The following SNAPC2 variants were observed in gnomAD, a reference collection of about 807,000 sequenced individuals.
SNAPC2 encodes the protein small nuclear RNA activating complex polypeptide 2.
In SNAPC2, 27 loss-of-function variants were observed where a neutral mutation model predicts 22.9. The observed-to-expected ratio is 1.18, with a 90% CI of 0.87 to 1.63. SNAPC2 has a LOEUF of 1.63. Among genes scored for constraint, SNAPC2 ranks in the 40% most tolerant of loss-of-function variants. The probability of loss-of-function intolerance (pLI) is 0.00; values close to 1 mark genes in which losing one functional copy is unlikely to be tolerated. For missense variants in SNAPC2, 570 were observed against 449.1 expected, an observed-to-expected ratio of 1.27 and a Z score of -2.43; for synonymous variants, 272 against 201.0, an observed-to-expected ratio of 1.35 and a Z score of -2.99.
chr19:7,922,312 C>G lies in SNAPC2; in HGVS notation c.650C>G (p.Ser217Cys), dbSNP rs748900589. 1.9e-6 allele frequency: 3 copies of G among 1,613,822 alleles called. No homozygotes were observed. Among genetic ancestry groups the G allele is most frequent in the Non-Finnish European group, 2.5e-6 (3 of 1,179,974 alleles). Residue 217 changes from serine (S) to cysteine (C), a missense_variant, in exon 4 of 5, where the codon TCC becomes TGC. Coordinates refer to ENST00000221573, the MANE Select transcript of SNAPC2 (RefSeq NM_003083.4). ...EKIYKYLSSV[S>C]RSGRSPELSA... ...ATCTACAAGTACTTGTCCTCTGTCTCCCGAAGTGGCCGCAGCCCCGAGCTC... is the reference window on the plus strand; with the variant it reads ...ATCTACAAGTACTTGTCCTCTGTCTGCCGAAGTGGCCGCAGCCCCGAGCTC...
intron 1 of SNAPC2, chr19:7,921,173 T>G (rs111354951): frequency 7.1e-7 from 1 of 1,413,450 alleles, no homozygotes; most frequent in Admixed American, 3.0e-5. Context: ...GGGGTAGTAG[T>G]CAGCATAGGG....
chr19:7,921,402 C>T (rs762229607), intron 1 of SNAPC2, 21 bp from the exon 2 acceptor site: 22 of 1,613,734 alleles, frequency 1.4e-5, no homozygotes, highest in Non-Finnish European at 1.9e-5. Flanking sequence ...AGCCTCATTC[C>T]GCCGCCTCTT....
At chr19:7,920,624 G>A in intron 1 of SNAPC2, 75 bp downstream of exon 1, 1 of 806,022 alleles carries the variant, frequency 1.2e-6, no homozygotes, top group African/African-American at 1.9e-5. Context: ...GCGGGGCTGC[G>A]GCAGGAGCCA....
chr19:7,921,835 CAT>C, intron 3 of SNAPC2, 62 bp downstream of exon 3: 1 of 1,550,488 alleles, frequency 6.4e-7, no homozygotes. Context: ...TGGGCCAAAT[CAT>C]GTGAACCTGG....
intron 1 of SNAPC2, chr19:7,921,128 G>T (rs926806745): frequency 3.0e-6 from 4 of 1,338,636 alleles, no homozygotes; most frequent in African/African-American, 3.0e-5. Context: ...AAGTGAGAGG[G>T]AATAGAGAAG....
In SNAPC2 at chr19:7,922,294, A is replaced by G. The variant is rs142774804; in HGVS notation, c.632A>G (p.Lys211Arg). The stretch of plus-strand genomic sequence containing the variant: ...GCTGTGGACTTTGAGAAGATCTACA[A>G]GTACTTGTCCTCTGTCTCCCGAAGT... Reference protein sequence around the residue: ...DFAVDFEKIYKYLSSVSRSGR... With the variant: ...DFAVDFEKIYRYLSSVSRSGR... The change falls in exon 4 of 5, where the codon AAG becomes AGG. Residue 211 changes from lysine to arginine, a missense_variant. Lys to Arg is a conservative substitution (Grantham distance 26, BLOSUM62 2). Coordinates refer to ENST00000221573, the MANE Select transcript of SNAPC2 (RefSeq NM_003083.4). The G allele has an allele frequency of 6.8e-6, 11 of 1,613,756 alleles. No individual in the cohort carries two copies. In the African/African-American group the frequency reaches 1.3e-4, roughly 20 times the overall value.
chr19:7,922,698 C>T lies in SNAPC2; in HGVS notation c.939C>T (p.Ile313=), dbSNP rs1418122749. ...ELKSPWQAAG[I]CPLNPFLVPL... is the part of the protein sequence containing the mutation. ...AATCGCCTTGGCAAGCAGCTGGGAT[C>T]TGTCCCCTGAACCCGTTCCTGGTGC... is the stretch of plus-strand genomic sequence containing the variant. Residue 313 remains isoleucine (I), a synonymous_variant, in exon 5 of 5, where the codon ATC becomes ATT. Transcript: ENST00000221573. The T allele has an allele frequency of 1.9e-6, 3 of 1,613,230 alleles. No homozygotes were observed. In the South Asian group the frequency reaches 3.3e-5, roughly 18 times the overall value.
chr19:7,920,863 G>A, intron 1 of SNAPC2: 1 of 856,096 alleles, frequency 1.2e-6, no homozygotes, highest in Non-Finnish European at 1.5e-6. Flanking sequence ...GAGAGTGGGT[G>A]GGTGAGTTTG....
rs766850611 is a variant in SNAPC2 at position 7,922,518 on chromosome 19, T to A, written c.759T>A (p.Val253=). Residue 253 remains valine (V), a synonymous_variant, in exon 5 of 5, where the codon GTT becomes GTA. Coordinates refer to ENST00000221573, the MANE Select transcript of SNAPC2 (RefSeq NM_003083.4). ...CACTCCTGCCCTGCACAGCCCTGGT[T>A]GAGCATATGACGGAGACGTACCTAC... is the stretch of plus-strand genomic sequence containing the variant. ...ELPLLPCTAL[V]EHMTETYLRL... is the part of the protein sequence containing the mutation. 8.1e-6 allele frequency: 13 copies of A among 1,611,690 alleles called. No homozygotes were observed. The highest frequency in any genetic ancestry group is 1.0e-5 in the Non-Finnish European group (12 of 1,178,628).
In SNAPC2 at chr19:7,920,445, C is replaced by G. The variant is rs1983522420; in HGVS notation, c.79C>G (p.Arg27Gly). The G allele has an allele frequency of 3.2e-6, 5 of 1,560,880 alleles. No individual in the cohort carries two copies. The highest frequency in any genetic ancestry group is 2.8e-5 in the African/African-American group (2 of 71,346). ...EVTGPATWSA[R>G]EKRQLVRLLQ... The stretch of plus-strand genomic sequence containing the variant: ...GACCGGTCCCGCGACCTGGAGCGCT[C>G]GCGAGAAGCGGCAGCTAGTGCGACT... The change falls in exon 1 of 5, where the codon CGC becomes GGC. Residue 27 changes from arginine (R) to glycine (G), a missense_variant. By Grantham distance (125) the Arg-to-Gly change is moderately radical. Coordinates refer to ENST00000221573, the MANE Select transcript of SNAPC2 (RefSeq NM_003083.4).
Position 7,922,516 on chromosome 19 carries a change from G to T in SNAPC2, c.757G>T (p.Val253Phe). 1 of 1,611,796 alleles carries T rather than the reference G, an allele frequency of 6.2e-7. No homozygotes were observed. The highest frequency in any genetic ancestry group is 8.5e-7 in the Non-Finnish European group (1 of 1,178,688). Residue 253 changes from valine (V) to phenylalanine (F), a missense_variant, in exon 5 of 5, where the codon GTT (valine) becomes TTT (phenylalanine). Physicochemically the swap from Val to Phe is conservative, Grantham distance 50. Transcript: ENST00000221573. ...GCCACTCCTGCCCTGCACAGCCCTG[G>T]TTGAGCATATGACGGAGACGTACCT... ...ELPLLPCTAL[V>F]EHMTETYLRL...
chr19:7,920,601 G>C, intron 1 of SNAPC2, 52 bp downstream of exon 1: 1 of 995,992 alleles, frequency 1.0e-6, no homozygotes, highest in South Asian at 1.9e-5. Flanking sequence ...GGCTGGGGTG[G>C]GGCGGAGAGT....
At chr19:7,921,077 G>A (rs1260460290) in intron 1 of SNAPC2, 6 of 1,193,830 alleles carry the variant, frequency 5.0e-6, no homozygotes, top group Non-Finnish European at 6.3e-6. Context: ...GCCGAGTCCG[G>A]GCGAAAAGCA....
Position 7,920,560 on chromosome 19 carries a change from G to A in SNAPC2, c.183+11G>A. On this transcript the variant is annotated intron_variant, in intron 1 of 4. Coordinates refer to ENST00000221573, the MANE Select transcript of SNAPC2 (RefSeq NM_003083.4). ...CGGAGCGAGGCTGAGGTGAGATGCG[G>A]TTCTCGGGACCGGAGCCAGGCTGGA... 7.9e-7 allele frequency: 1 copy of A among 1,261,560 alleles called. No homozygotes were observed. Among genetic ancestry groups the A allele is most frequent in the Non-Finnish European group, 1.0e-6 (1 of 978,456 alleles). 78.1% of individuals were successfully genotyped at this position (1,261,560 alleles called of 1,614,324 possible). A position where few individuals can be genotyped will look rare whatever the true frequency, so the allele number is the denominator to read the frequency against.
Position 7,921,545 on chromosome 19 carries a change from G to A in SNAPC2, c.303+3G>A. 5 of 1,611,470 alleles carry A rather than the reference G, an allele frequency of 3.1e-6. No individual in the cohort carries two copies. The highest frequency in any genetic ancestry group is 4.2e-6 in the Non-Finnish European group (5 of 1,178,698). On this transcript the variant is annotated splice_donor_region_variant and intron_variant, in intron 2 of 4. Transcript: ENST00000221573. Reference sequence around the variant, plus strand: ...CACAGCCCCCAGCCCCCATAGAGGTGAGGCAGATGAACAGGGTGAGGCTGT... The same window carrying A: ...CACAGCCCCCAGCCCCCATAGAGGTAAGGCAGATGAACAGGGTGAGGCTGT...
intron 4 of SNAPC2, 29 bp from the exon 5 acceptor site, chr19:7,922,416 C>G: frequency 1.3e-6 from 2 of 1,582,132 alleles, no homozygotes; most frequent in East Asian, 4.5e-5. Flanking sequence ...AGGGGTGTCC[C>G]CTTACCCCTC....
In SNAPC2 at chr19:7,922,635, C is replaced by A. The variant is rs1449484170; in HGVS notation, c.876C>A (p.Thr292=). The A allele has an allele frequency of 2.5e-6, 4 of 1,610,880 alleles. No homozygotes were observed. Among genetic ancestry groups the A allele is most frequent in the Admixed American group, 3.4e-5 (2 of 59,682 alleles). ...DGAGSKAPEE[T]PPATEKAEHS... ...CTGGCTCCAAGGCACCAGAGGAGACCCCCCCAGCCACCGAGAAGGCCGAGC... is the reference window on the plus strand; with the variant it reads ...CTGGCTCCAAGGCACCAGAGGAGACACCCCCAGCCACCGAGAAGGCCGAGC... The change falls in exon 5 of 5, where the codon ACC becomes ACA. Residue 292 remains threonine, a synonymous_variant. Transcript: ENST00000221573.
rs1267908308 is a variant in SNAPC2 at position 7,921,711 on chromosome 19, A to T, written c.310A>T (p.Thr104Ser). The T allele has an allele frequency of 1.2e-6, 2 of 1,613,722 alleles. No individual in the cohort carries two copies. The highest frequency in any genetic ancestry group is 1.7e-6 in the Non-Finnish European group (2 of 1,179,854). ...TACCTCTGGCTTCACTCAGGTCTGG[A>T]CGGATCTGGCTGAGAAGATAACAGG... ...AQPPAPIEVW[T>S]DLAEKITGPL... is the part of the protein sequence containing the mutation. Residue 104 changes from threonine to serine, a missense_variant, in exon 3 of 5, where the codon ACG becomes TCG. Physicochemically the swap from Thr to Ser is moderately conservative, Grantham distance 58. Coordinates refer to ENST00000221573, the MANE Select transcript of SNAPC2 (RefSeq NM_003083.4).
intron 4 of SNAPC2, 21 bp from the exon 5 acceptor site, chr19:7,922,424 C>A: frequency 6.3e-7 from 1 of 1,581,688 alleles, no homozygotes. Flanking sequence ...CCCCTTACCC[C>A]TCTCCTCCAT....
Sources: gnomAD v4.1 joint callset for allele counts on GRCh38, gnomAD v4.1.1 for gene constraint, MANE v1.5 for transcripts, NCBI Gene and HGNC (gene_info 2026-07-23, HGNC 2026-07-21) for gene names.